The following ASCC3 variants were observed in gnomAD, a reference collection of about 807,000 sequenced individuals.
The protein encoded by ASCC3 is ASC-1 complex subunit P200.
ASCC3 carries 158 observed loss-of-function variants against 256.3 expected under a neutral mutation model. That is an observed-to-expected ratio of 0.62 (90% confidence interval 0.54 to 0.70). ASCC3 has a LOEUF of 0.70. Among genes scored for constraint, ASCC3 ranks in the 30% least tolerant of loss-of-function variants. The pLI is 0.00. For missense variants in ASCC3, 2,259 were observed against 2,626.0 expected (o/e 0.86, Z 3.05); for synonymous variants, 948 against 883.4 (o/e 1.07, Z -1.30).
At chr6:100,774,978 G>C (rs1205159724) in intron 8 of ASCC3, among the ~76,000 whole-genome samples, 1 of 152,120 alleles carries the variant, frequency 6.6e-6, no homozygotes, top group Non-Finnish European at 1.5e-5. Context: ...CTGGTGAAAA[G>C]GAGTAGCAAA....
At chr6:100,852,285 C>T (rs528638015) in intron 3 of ASCC3, among the ~76,000 whole-genome samples, 8 of 152,184 alleles carry the variant, frequency 5.3e-5, no homozygotes, top group Non-Finnish European at 1.2e-4. Context: ...GGAAGGGAAA[C>T]ACTAAGCGAA....
rs547418598 is a variant in ASCC3, at chr6:100,686,884, T to C, written c.2152-7132A>G. Among the ~76,000 whole-genome samples the C allele has an allele frequency of 3.3e-5, 5 of 152,290 alleles. No homozygotes were observed. In the East Asian group the frequency reaches 7.7e-4, roughly 23 times the overall value. ...TCAATTTGTTGGTCCTTTTTGTATA[T>C]GAAAGATAGTACACTTTGCTCCTTT... On this transcript the variant is annotated intron_variant, in intron 13 of 41. Transcript: ENST00000369162.
At chr6:100,602,917 TA>T (rs1348147552) in intron 33 of ASCC3, among the ~76,000 whole-genome samples, 2 of 152,068 alleles carry the variant, frequency 1.3e-5, no homozygotes, top group Non-Finnish European at 2.9e-5. Flanking sequence ...ATAGTTATAA[TA>T]AGTTGAATTT....
intron 36 of ASCC3, among the ~76,000 whole-genome samples, chr6:100,574,761 G>A (rs971549574): frequency 1.3e-5 from 2 of 151,590 alleles, no homozygotes; most frequent in East Asian, 1.9e-4. Context: ...TATGCTTGTC[G>A]GAACATAACA....
chr6:100,732,467 T>A (rs999663697), intron 10 of ASCC3, among the ~76,000 whole-genome samples: 2 of 152,192 alleles, frequency 1.3e-5, no homozygotes, highest in East Asian at 3.9e-4. Context: ...TGACCGTTAA[T>A]TAAGAAATAG....
At chr6:100,595,393 A>T (rs1462172146) in intron 34 of ASCC3, among the ~76,000 whole-genome samples, 2 of 152,316 alleles carry the variant, frequency 1.3e-5, no homozygotes, top group African/African-American at 4.8e-5. Context: ...GCATTATTTT[A>T]AAAAAGAGTC....
intron 36 of ASCC3, among the ~76,000 whole-genome samples, chr6:100,554,235 A>G (rs1203660784): frequency 6.6e-6 from 1 of 152,072 alleles, no homozygotes; most frequent in Non-Finnish European, 1.5e-5. Context: ...ATGTTGGTTG[A>G]GTGTGTGTGT....
rs561875909 is a variant in ASCC3 at position 100,817,693 on chromosome 6, A to G, written c.802-11813T>C. ...CATTAGATGAAAGGGAAAAACTCCT[A>G]GAAAGCTACACACTACCAAAACCAA... is the stretch of plus-strand genomic sequence containing the variant. On this transcript the variant is annotated intron_variant, in intron 4 of 41. Coordinates refer to ENST00000369162, the MANE Select transcript of ASCC3 (RefSeq NM_006828.4). Among the ~76,000 whole-genome samples, 32 of 152,262 alleles carry G rather than the reference A, an allele frequency of 2.1e-4. No individual in the cohort carries two copies. The South Asian group carries it at 5.8e-3, about 28-fold the overall frequency.
At position 100,725,801 on chromosome 6, in the gene ASCC3, A is replaced by T. The variant is rs957618199; in HGVS notation, c.1738-98T>A. The T allele has an allele frequency of 1.1e-5, 14 of 1,222,342 alleles. No homozygotes were observed. The African/African-American group carries it at 2.1e-4, about 18-fold the overall frequency. The allele number at this position is 1,222,342 out of a possible 1,614,324, so 75.7% of individuals were successfully genotyped here. On this transcript the variant is annotated intron_variant, in intron 10 of 41. Coordinates refer to ENST00000369162, the MANE Select transcript of ASCC3 (RefSeq NM_006828.4). ...AGAAATATTTTGGCCACCTCTACAT[A>T]AATCAAATAAAAAGTGTTTAGAATA...
chr6:100,755,713 AT>A (rs1781147203), intron 10 of ASCC3, among the ~76,000 whole-genome samples: 1 of 152,080 alleles, frequency 6.6e-6, no homozygotes, highest in South Asian at 2.1e-4. Flanking sequence ...AAATATTTCT[AT>A]TATTTTCATT....
chr6:100,552,892 T>G (rs1412993179), intron 36 of ASCC3, among the ~76,000 whole-genome samples: 1 of 152,028 alleles, frequency 6.6e-6, no homozygotes, highest in Non-Finnish European at 1.5e-5. Flanking sequence ...GTTGTTTTTT[T>G]CTTTTCCTTT....
intron 22 of ASCC3, among the ~76,000 whole-genome samples, chr6:100,645,620 T>C (rs1775341774): frequency 6.6e-6 from 1 of 152,190 alleles, no homozygotes; most frequent in African/African-American, 2.4e-5. Context: ...GCTTCTTGAA[T>C]GTAAGAACTG....
At chr6:100,818,833 G>A (rs1200620256) in intron 4 of ASCC3, among the ~76,000 whole-genome samples, 1 of 80,450 alleles carries the variant, frequency 1.2e-5, no homozygotes, top group Non-Finnish European at 2.3e-5. Flanking sequence ...ACCATTAGAA[G>A]TGACAAGTTG....
chr6:100,838,126 T>C (rs1771966541), intron 4 of ASCC3, among the ~76,000 whole-genome samples: 1 of 152,094 alleles, frequency 6.6e-6, no homozygotes, highest in Non-Finnish European at 1.5e-5. Flanking sequence ...CAGCATACAT[T>C]ATAAATTACA....
At chr6:100,662,620 G>A in intron 14 of ASCC3, 84 bp from the exon 15 acceptor site, 1 of 1,285,718 alleles carries the variant, frequency 7.8e-7, no homozygotes, top group Non-Finnish European at 1.1e-6. Context: ...GTTCATCAAA[G>A]AAATCAGAAA....
intron 8 of ASCC3, among the ~76,000 whole-genome samples, chr6:100,774,942 AC>A (rs765600123): frequency 8.5e-5 from 13 of 152,200 alleles, no homozygotes; most frequent in Non-Finnish European, 1.9e-4. Flanking sequence ...GGTACAAGAA[AC>A]AGGATATTAG....
rs1562145096 is a variant in ASCC3, at chr6:100,589,973, A to G, written c.5390T>C (p.Leu1797Pro). The change falls in exon 35 of 42, where the codon CTT becomes CCT. Residue 1797 changes from leucine (L) to proline (P), a missense_variant. Physicochemically the swap from Leu to Pro is moderately conservative, Grantham distance 98 (BLOSUM62 -3). Around this residue, in one of 2 missense-constraint regions of ASCC3, gnomAD observed 1,839 missense variants for 2,206.7 expected, o/e 0.83. Coordinates refer to ENST00000369162, the MANE Select transcript of ASCC3 (RefSeq NM_006828.4). ...CTCTCCAATTTCAATACAGTAGGAA[A>G]GTTCCAATTCAATCAGGGACTTCTC... ...LIEKSLIELE[L>P]SYCIEIGEDN... The G allele has an allele frequency of 6.2e-7, 1 of 1,613,456 alleles. No individual in the cohort carries two copies. The highest frequency in any genetic ancestry group is 8.5e-7 in the Non-Finnish European group (1 of 1,179,486).
chr6:100,599,752 T>C (rs555912481), intron 34 of ASCC3, among the ~76,000 whole-genome samples: 2 of 152,208 alleles, frequency 1.3e-5, no homozygotes, highest in South Asian at 4.1e-4. Context: ...GCTAAAGTAC[T>C]AAATTGGCCT....
intron 14 of ASCC3, among the ~76,000 whole-genome samples, chr6:100,666,360 C>A (rs1330923778): frequency 1.3e-5 from 2 of 152,056 alleles, no homozygotes; most frequent in Non-Finnish European, 2.9e-5. Context: ...TCTTACGGGT[C>A]ACATGGTTAA....
Sources: allele counts gnomAD v4.1 joint callset (sites outside exome capture counted in the v4.1 genomes callset), GRCh38; gene constraint gnomAD v4.1.1; regional missense constraint gnomAD v4.1.1; transcripts MANE v1.5; gene names NCBI Gene and HGNC (gene_info 2026-07-23, HGNC 2026-07-21).